Variants in HSPA14 observed in about 807,000 individuals in gnomAD.
The protein encoded by HSPA14 is heat shock 70 kDa protein 14.
A neutral mutation model predicts 65.5 loss-of-function variants in HSPA14; 37 were observed. The observed-to-expected ratio is 0.56, with a 90% CI of 0.43 to 0.74. HSPA14 has a LOEUF of 0.74. Among genes scored for constraint, HSPA14 ranks in the 30% least tolerant of loss-of-function variants. The probability of loss-of-function intolerance (pLI) is 0.00; values close to 1 mark genes in which losing one functional copy is unlikely to be tolerated. For missense variants in HSPA14, 564 were observed against 607.6 expected (o/e 0.93, Z 0.75); for synonymous variants, 203 against 214.2 (o/e 0.95, Z 0.46).
At chr10:14,845,461 G>A (rs556900017) in intron 3 of HSPA14, 2 of 985,316 alleles carry the variant, frequency 2.0e-6, no homozygotes, top group African/African-American at 1.7e-5. Flanking sequence ...CAAGCGAGCT[G>A]CTCTGCCAAG....
rs1400856132 is a variant in HSPA14 at position 14,842,307 on chromosome 10, C to A, written c.221+2150C>A. ...ACAATGGCCAGTGCCAATAGCAGTG[C>A]GGGCATCCGGTGGTCCAGACAGGAG... On this transcript the variant is annotated intron_variant, in intron 3 of 13. Transcript: ENST00000378372. This position sits in a 1 kb window ranked among gnomAD's most constrained non-coding sequence, Gnocchi z 5.2. 6.5e-7 allele frequency: 1 copy of A among 1,535,626 alleles called. No homozygotes were observed. The highest frequency in any genetic ancestry group is 2.4e-5 in the East Asian group (1 of 40,912).
At chr10:14,868,859 T>C (rs1239055998) in intron 12 of HSPA14, among the ~76,000 whole-genome samples, 4 of 152,234 alleles carry the variant, frequency 2.6e-5, no homozygotes, top group African/African-American at 7.2e-5. Flanking sequence ...TGTTTTTTCT[T>C]TTTTTGAGAC....
rs1371217903 is a variant in HSPA14 at position 14,849,816 on chromosome 10, G to GT, written c.467+6dup. 1.3e-6 allele frequency: 2 copies of GT among 1,567,962 alleles called. No homozygotes were observed. The highest frequency in any genetic ancestry group is 1.7e-5 in the Admixed American group (1 of 58,898). Reference sequence around the variant, plus strand: ...AAAGCAAAAAAATGCTCTTGGGTAAGTATATGGGGTTTATCTTACTGGCTT... The same window carrying GT: ...AAAGCAAAAAAATGCTCTTGGGTAAGTTATATGGGGTTTATCTTACTGGCTT... On this transcript the variant is annotated splice_donor_region_variant and intron_variant, in intron 6 of 13. Coordinates refer to ENST00000378372, the MANE Select transcript of HSPA14 (RefSeq NM_016299.4).
chr10:14,845,205 A>G, intron 3 of HSPA14: 14 of 985,408 alleles, frequency 1.4e-5, no homozygotes, highest in Non-Finnish European at 1.7e-5. Flanking sequence ...ACTCTCTGTC[A>G]TTAAACTAAC....
chr10:14,850,240 C>G (rs73596411), intron 6 of HSPA14, among the ~76,000 whole-genome samples: 1 of 151,282 alleles, frequency 6.6e-6, no homozygotes, highest in African/African-American at 2.4e-5. Flanking sequence ...CCACTCCACT[C>G]CAGATTGTGT....
chr10:14,848,560 A>G (rs573121763), intron 3 of HSPA14, 49 bp from the exon 4 acceptor site: 5 of 1,377,736 alleles, frequency 3.6e-6, no homozygotes, highest in South Asian at 3.6e-5. Flanking sequence ...TTATATATCT[A>G]CAATACTGAT....
In HSPA14 at chr10:14,867,314, T is replaced by A; in HGVS notation, c.1206+19T>A. Reference sequence around the variant, plus strand: ...AGTTAAGGTATGTTTAGCTTTTGTATACTAGTTAAGGTATGTTTAGCTTTT... The same window carrying A: ...AGTTAAGGTATGTTTAGCTTTTGTAAACTAGTTAAGGTATGTTTAGCTTTT... On this transcript the variant is annotated intron_variant, in intron 11 of 13. Coordinates refer to ENST00000378372, the MANE Select transcript of HSPA14 (RefSeq NM_016299.4). 6.5e-7 allele frequency: 1 copy of A among 1,531,378 alleles called. No individual in the cohort carries two copies. The highest frequency in any genetic ancestry group is 9.0e-7 in the Non-Finnish European group (1 of 1,105,140). 94.9% of individuals were successfully genotyped at this position (1,531,378 alleles called of 1,614,324 possible). A position where few individuals can be genotyped will look rare whatever the true frequency, so the allele number is the denominator to read the frequency against.
At chr10:14,844,593 C>T (rs757083590) in intron 3 of HSPA14, 128 of 985,302 alleles carry the variant, frequency 1.3e-4, no homozygotes, top group Non-Finnish European at 1.5e-4. Flanking sequence ...GTCTTTCTCT[C>T]CTTCATTTTA....
chr10:14,858,330 G>A (rs1351308754), intron 10 of HSPA14, among the ~76,000 whole-genome samples: 1 of 152,146 alleles, frequency 6.6e-6, no homozygotes, highest in Non-Finnish European at 1.5e-5. Flanking sequence ...GAGTTGAGGC[G>A]GAATAGTTTT....
intron 12 of HSPA14, among the ~76,000 whole-genome samples, chr10:14,869,586 C>T (rs1398205805): frequency 2.0e-5 from 3 of 152,162 alleles, no homozygotes; most frequent in East Asian, 1.9e-4. Context: ...TGAGCCACCA[C>T]GCCTGGCCAC....
rs2131635662 is a variant in HSPA14, at chr10:14,842,676, C to T, written c.221+2519C>T. ...CAGAACTTAGTGGCCTCTGACGCCC[C>T]AGGGGAAGAGGGAACCGGCATTCTA... On this transcript the variant is annotated intron_variant, in intron 3 of 13. Coordinates refer to ENST00000378372, the MANE Select transcript of HSPA14 (RefSeq NM_016299.4). This position sits in a 1 kb window ranked among gnomAD's most constrained non-coding sequence, Gnocchi z 5.2. 2 of 1,536,272 alleles carry T rather than the reference C, an allele frequency of 1.3e-6. No individual in the cohort carries two copies. Among genetic ancestry groups the T allele is most frequent in the Non-Finnish European group, 1.7e-6 (2 of 1,146,950 alleles).
At position 14,846,749 on chromosome 10, in the gene HSPA14, G is replaced by A. The variant is rs1834060081; in HGVS notation, c.222-1860G>A. The A allele has an allele frequency of 3.0e-6, 3 of 985,328 alleles. No individual in the cohort carries two copies. In the African/African-American group the frequency reaches 5.2e-5, roughly 17 times the overall value. The allele number at this position is 985,328 out of a possible 1,614,324, so 61.0% of individuals were successfully genotyped here. A position where few individuals can be genotyped will look rare whatever the true frequency, so the allele number is the denominator to read the frequency against. ...TAAGGCACTGTCATGTAACAAGTAG[G>A]GGAAAGACTCTGGAGCACATTAGTG... On this transcript the variant is annotated intron_variant, in intron 3 of 13. Transcript: ENST00000378372.
intron 1 of HSPA14, chr10:14,838,687 C>T (rs1833925969): frequency 4.0e-6 from 2 of 498,808 alleles, no homozygotes; most frequent in African/African-American, 2.0e-5. Flanking sequence ...GATGTAGACG[C>T]GCGGGGTCCC....
In HSPA14 at chr10:14,843,957, C is replaced by G. The variant is rs186040447; in HGVS notation, c.221+3800C>G. On this transcript the variant is annotated intron_variant, in intron 3 of 13. Transcript: ENST00000378372. ...GAAGTCTAGTTCCCAAACCTGCCTT[C>G]TGAATCCCTGGCTCCTTTTCTGTGT... The G allele has an allele frequency of 4.6e-6, 7 of 1,516,838 alleles. No individual in the cohort carries two copies. The East Asian group carries it at 7.3e-5, about 16-fold the overall frequency. The allele number at this position is 1,516,838 out of a possible 1,614,324, so 94.0% of individuals were successfully genotyped here. A position where few individuals can be genotyped will look rare whatever the true frequency, so the allele number is the denominator to read the frequency against.
chr10:14,847,213 C>T (rs530505000), intron 3 of HSPA14, among the ~76,000 whole-genome samples: 19 of 152,198 alleles, frequency 1.2e-4, no homozygotes, highest in African/African-American at 4.6e-4. Flanking sequence ...GTAAAATATC[C>T]TTCCTGGCAA....
intron 12 of HSPA14, among the ~76,000 whole-genome samples, chr10:14,868,964 A>G (rs1401136202): frequency 6.6e-6 from 1 of 151,936 alleles, no homozygotes; most frequent in Non-Finnish European, 1.5e-5. Context: ...TTCCTGCCTC[A>G]GCCTCCTGAG....
intron 13 of HSPA14, among the ~76,000 whole-genome samples, chr10:14,871,100 T>C (rs1212182157): frequency 6.6e-6 from 1 of 152,214 alleles, no homozygotes; most frequent in Non-Finnish European, 1.5e-5. Context: ...TCCATATCAC[T>C]ATGTATTACA....
At chr10:14,858,291 A>C (rs1344593937) in intron 10 of HSPA14, among the ~76,000 whole-genome samples, 1 of 152,184 alleles carries the variant, frequency 6.6e-6, no homozygotes, top group African/African-American at 2.4e-5. Context: ...TCATTTCATT[A>C]TCTCTCACAG....
At chr10:14,843,708 A>G (rs1484830032) in intron 3 of HSPA14, 1 of 1,539,628 alleles carries the variant, frequency 6.5e-7, no homozygotes, top group East Asian at 2.4e-5. Context: ...GGGAGGAAGA[A>G]AAACTGGACA....
Sources: gnomAD v4.1 joint callset for allele counts (sites outside exome capture counted in the v4.1 genomes callset) on GRCh38, gnomAD v4.1.1 for gene constraint, Gnocchi (gnomAD v3.1) non-coding constraint, MANE v1.5 for transcripts, NCBI Gene and HGNC (gene_info 2026-07-23, HGNC 2026-07-21) for gene names.